RASGRF2: variants seen among roughly 807,000 people sequenced by gnomAD.
The protein encoded by RASGRF2 is ras-specific guanine nucleotide-releasing factor 2.
In RASGRF2, 76 loss-of-function variants were observed where a neutral mutation model predicts 151.0. The observed-to-expected ratio is 0.50, with a 90% CI of 0.42 to 0.61. RASGRF2 has a LOEUF of 0.61. Among genes scored for constraint, RASGRF2 ranks in the 20% least tolerant of loss-of-function variants. The pLI is 0.00. For missense variants in RASGRF2, 1,148 were observed against 1,564.6 expected, an observed-to-expected ratio of 0.73 and a Z score of 4.49; for synonymous variants, 504 against 566.5, an observed-to-expected ratio of 0.89 and a Z score of 1.57.
chr5:81,207,498 C>A (rs749111495), intron 21 of RASGRF2, 149 bp downstream of exon 21: 6 of 674,790 alleles, frequency 8.9e-6, no homozygotes, highest in Non-Finnish European at 7.6e-6. Context: ...AACTGGCACG[C>A]CTCTGTGTCC....
intron 1 of RASGRF2, among the ~76,000 whole-genome samples, chr5:81,033,890 A>G (rs1026398633): frequency 1.3e-5 from 2 of 152,238 alleles, no homozygotes; most frequent in Non-Finnish European, 2.9e-5. Flanking sequence ...AATTTTTACA[A>G]TCTACCCATC....
intron 2 of RASGRF2, among the ~76,000 whole-genome samples, chr5:81,052,506 C>G (rs1051990343): frequency 1.3e-5 from 2 of 152,068 alleles, no homozygotes; most frequent in African/African-American, 4.8e-5. Context: ...TTTGATCTCT[C>G]TTAACTAAGA....
intron 17 of RASGRF2, among the ~76,000 whole-genome samples, chr5:81,151,521 G>A (rs1754135232): frequency 6.6e-6 from 1 of 151,636 alleles, no homozygotes; most frequent in Non-Finnish European, 1.5e-5. Context: ...TGGCTGACTT[G>A]TGCCAGAAAG....
chr5:81,190,311 C>T (rs139196966), intron 18 of RASGRF2, among the ~76,000 whole-genome samples: 2 of 152,276 alleles, frequency 1.3e-5, no homozygotes, highest in South Asian at 2.1e-4. Flanking sequence ...TTTTACTGAC[C>T]GCTGCCCTCT....
chr5:81,031,590 T>C (rs1407706998), intron 1 of RASGRF2, among the ~76,000 whole-genome samples: 1 of 152,196 alleles, frequency 6.6e-6, no homozygotes. Context: ...AAAGATGTTC[T>C]TTGAAACCAA....
At chr5:81,076,616 A>G (rs1751946564) in intron 5 of RASGRF2, among the ~76,000 whole-genome samples, 6 of 150,776 alleles carry the variant, frequency 4.0e-5, no homozygotes, top group Admixed American at 4.0e-4. Flanking sequence ...GAGTTGGAGA[A>G]GAGAGAAAGA....
At chr5:81,217,556 G>A in intron 25 of RASGRF2, 83 bp downstream of exon 25, 1 of 606,130 alleles carries the variant, frequency 1.6e-6, no homozygotes, top group Non-Finnish European at 2.3e-6. Context: ...GTCAATGTCT[G>A]CTTTTTTTTT....
At chr5:81,193,974 C>T (rs1755205792) in intron 18 of RASGRF2, among the ~76,000 whole-genome samples, 1 of 152,124 alleles carries the variant, frequency 6.6e-6, no homozygotes, top group Non-Finnish European at 1.5e-5. Flanking sequence ...ACCTGGACTT[C>T]CCCATATGCA....
chr5:80,997,959 A>G (rs1748943562), intron 1 of RASGRF2: 1 of 118,370 alleles, frequency 8.4e-6, no homozygotes, highest in Non-Finnish European at 1.8e-5. Context: ...ACAGAGCAAG[A>G]CTCCGTCTCA....
Position 81,073,357 on chromosome 5 carries a change from C to CCT in RASGRF2, c.793_794dup (p.Val266TrpfsTer46). 1 of 1,614,186 alleles carries CCT rather than the reference C, an allele frequency of 6.2e-7. No individual in the cohort carries two copies. ...CAGAGTACGTTCACCAGCTCTACATCCTGGTCAATGGCTTTCTCCGGCCCC... is the reference window on the plus strand; with the variant it reads ...CAGAGTACGTTCACCAGCTCTACATCCTCTGGTCAATGGCTTTCTCCGGCCCC... On this transcript the variant is annotated frameshift_variant, in exon 5 of 27. Transcript: ENST00000265080. LOFTEE classifies it high-confidence loss of function.
At chr5:81,027,880 G>A (rs148295806) in intron 1 of RASGRF2, among the ~76,000 whole-genome samples, 1 of 152,296 alleles carries the variant, frequency 6.6e-6, no homozygotes, top group Non-Finnish European at 1.5e-5. Context: ...CAGAGAACTT[G>A]AACTGGGAAC....
At chr5:81,143,507 G>A (rs1753932645) in intron 17 of RASGRF2, among the ~76,000 whole-genome samples, 1 of 152,088 alleles carries the variant, frequency 6.6e-6, no homozygotes, top group African/African-American at 2.4e-5. Context: ...AACAATGCAG[G>A]AATGCTGAAA....
At chr5:81,004,491 C>T (rs1330369596) in intron 1 of RASGRF2, among the ~76,000 whole-genome samples, 1 of 152,218 alleles carries the variant, frequency 6.6e-6, no homozygotes, top group Non-Finnish European at 1.5e-5. Flanking sequence ...TGTGGCAGGC[C>T]ATGAGGCTGC....
chr5:81,049,442 A>T (rs1215022076), intron 2 of RASGRF2, among the ~76,000 whole-genome samples: 1 of 152,128 alleles, frequency 6.6e-6, no homozygotes, highest in East Asian at 1.9e-4. Flanking sequence ...TCTAAGTCTT[A>T]TCTCGAAATT....
At chr5:80,987,370 C>T (rs1165322598) in intron 1 of RASGRF2, among the ~76,000 whole-genome samples, 1 of 152,140 alleles carries the variant, frequency 6.6e-6, no homozygotes, top group Admixed American at 6.5e-5. Flanking sequence ...AGCATTCGGT[C>T]GAGTGAGAGC....
intron 12 of RASGRF2, among the ~76,000 whole-genome samples, chr5:81,098,486 G>A (rs1752607724): frequency 6.6e-6 from 1 of 152,132 alleles, no homozygotes; most frequent in Admixed American, 6.5e-5. Context: ...ACTGAGAGAG[G>A]GGTCAAGTCA....
At chr5:81,109,157 G>A (rs1752928805) in intron 13 of RASGRF2, 79 bp downstream of exon 13, 1 of 1,512,768 alleles carries the variant, frequency 6.6e-7, no homozygotes, top group African/African-American at 1.4e-5. Context: ...ATAAAATACT[G>A]TGTCAATAGA....
intron 1 of RASGRF2, among the ~76,000 whole-genome samples, chr5:81,029,557 C>A (rs896130928): frequency 2.0e-5 from 3 of 152,214 alleles, no homozygotes; most frequent in Non-Finnish European, 2.9e-5. Context: ...GAACCTCCAG[C>A]AAACTCCAAC....
chr5:81,181,440 A>G (rs969836694), intron 18 of RASGRF2, among the ~76,000 whole-genome samples: 3 of 152,256 alleles, frequency 2.0e-5, no homozygotes, highest in African/African-American at 7.2e-5. Context: ...TCCATCTTAC[A>G]CATCTTAAAT....
Sources: gnomAD v4.1 joint callset for allele counts (sites outside exome capture counted in the v4.1 genomes callset) on GRCh38, gnomAD v4.1.1 for gene constraint, MANE v1.5 for transcripts, NCBI Gene and HGNC (gene_info 2026-07-23, HGNC 2026-07-21) for gene names.